The following ANKRD17 variants were observed in gnomAD, a reference collection of about 807,000 sequenced individuals.
ANKRD17 encodes the protein ankyrin repeat domain-containing protein 17.
ANKRD17 carries 19 observed loss-of-function variants against 229.7 expected under a neutral mutation model. The ratio of observed to expected loss-of-function variants is 0.08; its 90% CI spans 0.06 to 0.12. ANKRD17 has a LOEUF of 0.12. ANKRD17 is among the 10% of genes least tolerant of loss of function. ANKRD17 has a pLI of 1.00. For missense variants in ANKRD17, 2,176 were observed against 3,176.8 expected (o/e 0.68, Z 7.57); for synonymous variants, 1,112 against 1,146.1 (o/e 0.97, Z 0.60).
At chr4:73,225,245 C>T (rs1365994485) in intron 1 of ANKRD17, among the ~76,000 whole-genome samples, 1 of 152,152 alleles carries the variant, frequency 6.6e-6, no homozygotes, top group Non-Finnish European at 1.5e-5. Context: ...AAATTTTCCT[C>T]TAATGCTATC....
chr4:73,099,946 C>A (rs148960794), intron 25 of ANKRD17, among the ~76,000 whole-genome samples: 43 of 152,242 alleles, frequency 2.8e-4, no homozygotes, highest in Middle Eastern at 3.4e-3. Flanking sequence ...GGCCGCTCCC[C>A]CATACTTACT....
intron 2 of ANKRD17, among the ~76,000 whole-genome samples, chr4:73,169,841 G>A (rs1221788667): frequency 6.6e-6 from 1 of 152,210 alleles, no homozygotes; most frequent in East Asian, 1.9e-4. Context: ...GAAACAGGCT[G>A]AACTCAGCTG....
intron 1 of ANKRD17, among the ~76,000 whole-genome samples, chr4:73,212,765 C>T (rs1294680401): frequency 6.6e-6 from 1 of 151,800 alleles, no homozygotes; most frequent in African/African-American, 2.4e-5. Flanking sequence ...CCTGTAATAC[C>T]GGCACTTTGG....
chr4:73,205,639 T>C (rs1484621431), intron 1 of ANKRD17, among the ~76,000 whole-genome samples: 1 of 152,144 alleles, frequency 6.6e-6, no homozygotes, highest in African/African-American at 2.4e-5. Flanking sequence ...GCAAAACTAC[T>C]AGAAGAAAAT....
chr4:73,089,441 C>T (rs1266671616), intron 29 of ANKRD17, among the ~76,000 whole-genome samples: 1 of 152,104 alleles, frequency 6.6e-6, no homozygotes, highest in Non-Finnish European at 1.5e-5. Flanking sequence ...CTTACGTGGA[C>T]TATCTTTAAT....
intron 1 of ANKRD17, among the ~76,000 whole-genome samples, chr4:73,225,579 C>T (rs1309983642): frequency 2.0e-5 from 3 of 152,080 alleles, no homozygotes; most frequent in Non-Finnish European, 2.9e-5. Flanking sequence ...TTTGGCCAGG[C>T]GCGGTGGCTC....
intron 1 of ANKRD17, among the ~76,000 whole-genome samples, chr4:73,249,301 T>TA (rs1428245514): frequency 2.0e-5 from 3 of 152,042 alleles, no homozygotes; most frequent in South Asian, 2.1e-4. Flanking sequence ...AAGATGGGGA[T>TA]AAAAAAAGTG....
At chr4:73,173,838 C>A (rs1026472334) in intron 2 of ANKRD17, among the ~76,000 whole-genome samples, 1 of 152,106 alleles carries the variant, frequency 6.6e-6, no homozygotes, top group East Asian at 1.9e-4. Flanking sequence ...GGAAGCCATC[C>A]CTGACTGCAT....
chr4:73,083,829 CAT>C (rs1721815187), intron 30 of ANKRD17, among the ~76,000 whole-genome samples: 2 of 151,088 alleles, frequency 1.3e-5, no homozygotes, highest in Admixed American at 1.3e-4. Flanking sequence ...TGTACTCTGA[CAT>C]GTATCTCTAA....
chr4:73,139,707 G>A lies in ANKRD17; in HGVS notation c.2909C>T (p.Pro970Leu). ...QALPLAAGPLPPGSIANLTEL... is the reference protein window; with the variant it reads ...QALPLAAGPLLPGSIANLTEL... ...TGTAAGATTTGCGATGGACCCTGGA[G>A]GCAAGGGACCTGCCGCCAGAGGCAA... The change falls in exon 15 of 34, where the codon CCT becomes CTT. Residue 970 changes from proline (P) to leucine (L), a missense_variant. Coordinates refer to ENST00000358602, the MANE Select transcript of ANKRD17 (RefSeq NM_032217.5). The A allele has an allele frequency of 6.2e-7, 1 of 1,614,164 alleles. No individual in the cohort carries two copies. The highest frequency in any genetic ancestry group is 8.5e-7 in the Non-Finnish European group (1 of 1,180,014).
At chr4:73,126,072 G>A (rs1165023872) in intron 16 of ANKRD17, among the ~76,000 whole-genome samples, 2 of 152,148 alleles carry the variant, frequency 1.3e-5, no homozygotes, top group African/African-American at 4.8e-5. Flanking sequence ...TATAGTGCAA[G>A]GAGCAAGTAT....
chr4:73,139,386 T>G, intron 15 of ANKRD17, 145 bp downstream of exon 15: 1 of 923,224 alleles, frequency 1.1e-6, no homozygotes, highest in Non-Finnish European at 1.6e-6. Context: ...TGAGAACTTC[T>G]GAGATTGAAC....
At chr4:73,238,370 AG>A (rs1743702330) in intron 1 of ANKRD17, among the ~76,000 whole-genome samples, 1 of 152,164 alleles carries the variant, frequency 6.6e-6, no homozygotes, top group Non-Finnish European at 1.5e-5. Flanking sequence ...TCACATTTTG[AG>A]CACTTACTGT....
intron 3 of ANKRD17, among the ~76,000 whole-genome samples, chr4:73,157,428 TGA>T (rs2148894324): frequency 6.6e-6 from 1 of 152,248 alleles, no homozygotes; most frequent in South Asian, 2.1e-4. Flanking sequence ...AAAATTAAAC[TGA>T]GAGAAAAGTG....
chr4:73,093,376 CTTT>C (rs11368928), intron 28 of ANKRD17, among the ~76,000 whole-genome samples: 2 of 112,834 alleles, frequency 1.8e-5, no homozygotes, highest in African/African-American at 3.5e-5. Context: ...AACTCAAATT[CTTT>C]TTTTTTTTTT....
At chr4:73,244,325 G>A (rs372483711) in intron 1 of ANKRD17, among the ~76,000 whole-genome samples, 10 of 152,072 alleles carry the variant, frequency 6.6e-5, no homozygotes, top group African/African-American at 2.4e-4. Flanking sequence ...TGATGCTAGT[G>A]AGCCACAGTA....
intron 1 of ANKRD17, among the ~76,000 whole-genome samples, chr4:73,253,128 T>A (rs900069744): frequency 1.3e-5 from 2 of 152,210 alleles, no homozygotes; most frequent in African/African-American, 4.8e-5. Flanking sequence ...TATGTGACCC[T>A]GATGAGGTTG....
In ANKRD17 at chr4:73,258,456, G is replaced by A. The variant is rs148908301; in HGVS notation, c.213C>T (p.His71=). Residue 71 remains histidine, a synonymous_variant, in exon 1 of 34, where the codon CAC becomes CAT. Transcript: ENST00000358602. ...LLKKKPPQQQ[H]HKAKRNRTCR... The stretch of plus-strand genomic sequence containing the variant: ...AAGTCCGGTTACGCTTGGCCTTGTG[G>A]TGCTGCTGCTGCGGCGGCTTCTTCT... 1 of 1,607,638 alleles carries A rather than the reference G, an allele frequency of 6.2e-7. No homozygotes were observed. The highest frequency in any genetic ancestry group is 8.5e-7 in the Non-Finnish European group (1 of 1,178,054).
At chr4:73,120,420 G>A in intron 20 of ANKRD17, 83 bp from the exon 21 acceptor site, 1 of 1,300,002 alleles carries the variant, frequency 7.7e-7, no homozygotes, top group African/African-American at 1.5e-5. Flanking sequence ...ACTTGAAGAA[G>A]GAATATGATA....
Sources: gnomAD v4.1 joint callset for allele counts (sites outside exome capture counted in the v4.1 genomes callset) on GRCh38, gnomAD v4.1.1 for gene constraint, MANE v1.5 for transcripts, NCBI Gene and HGNC (gene_info 2026-07-23, HGNC 2026-07-21) for gene names.